SAFB2: variants seen among roughly 807,000 people sequenced by gnomAD.
The protein encoded by SAFB2 is scaffold attachment factor B2.
A neutral mutation model predicts 100.6 loss-of-function variants in SAFB2; 32 were observed. The ratio of observed to expected loss-of-function variants is 0.32; its 90% CI spans 0.24 to 0.43. The LOEUF is 0.43. Ranked by LOEUF, SAFB2 falls within the 20% of genes least tolerant of loss-of-function variation. The pLI is 1.00. For missense variants in SAFB2, 1,185 were observed against 1,163.4 expected (o/e 1.02, Z -0.27); for synonymous variants, 500 against 439.4 (o/e 1.14, Z -1.72).
chr19:5,613,486 C>T lies in SAFB2; in HGVS notation c.585G>A (p.Ser195=), dbSNP rs376008160. Residue 195 remains serine, a synonymous_variant, in exon 5 of 21, where the codon TCG becomes TCA. Transcript: ENST00000252542. The part of the protein sequence containing the change: ...EGFKNTLETS[S]LNFKVTPDIE... ...TTACCGGAGTTACTTTGAAGTTCAA[C>T]GATGAAGTTTCCAAAGTGTTCTTAA... 11 of 1,613,848 alleles carry T rather than the reference C, an allele frequency of 6.8e-6. No homozygotes were observed. Among genetic ancestry groups the T allele is most frequent in the African/African-American group, 2.7e-5 (2 of 75,044 alleles).
chr19:5,587,693 C>A lies in SAFB2; in HGVS notation c.2705+8G>T. On this transcript the variant is annotated splice_region_variant and intron_variant, in intron 20 of 20. Coordinates refer to ENST00000252542, the MANE Select transcript of SAFB2 (RefSeq NM_014649.3). This position sits in a 1 kb window ranked among gnomAD's most constrained non-coding sequence, Gnocchi z 4.9. ...GAACCACCGTCCTCCACGGACGACA[C>A]ACCTTACCCCGCCACTCCACCGCGG... 1.3e-6 allele frequency: 2 copies of A among 1,546,952 alleles called. No individual in the cohort carries two copies. The highest frequency in any genetic ancestry group is 8.7e-7 in the Non-Finnish European group (1 of 1,144,872).
chr19:5,589,348 A>C (rs1311737877), intron 18 of SAFB2, among the ~76,000 whole-genome samples: 1 of 152,086 alleles, frequency 6.6e-6, no homozygotes, highest in Non-Finnish European at 1.5e-5. Flanking sequence ...GATTCAGGAG[A>C]AGCTTCGGGT....
rs764870883 is a variant in SAFB2, at chr19:5,604,815, A to G, written c.1418T>C (p.Leu473Pro). The G allele has an allele frequency of 6.2e-7, 1 of 1,614,164 alleles. No homozygotes were observed. Among genetic ancestry groups the G allele is most frequent in the Admixed American group, 1.7e-5 (1 of 60,022 alleles). Residue 473 changes from leucine to proline, a missense_variant, in exon 10 of 21, where the codon CTG becomes CCG. Coordinates refer to ENST00000252542, the MANE Select transcript of SAFB2 (RefSeq NM_014649.3). Reference protein sequence around the residue: ...KCISHLHRTELHGRMISVEKA... With the variant: ...KCISHLHRTEPHGRMISVEKA... ...CTCTACGGAGATCATTCGTCCATGC[A>G]GCTCAGTTCTGTGGAGATGGCTGAT...
chr19:5,610,136 T>C, intron 8 of SAFB2, 41 bp from the exon 9 acceptor site: 1 of 1,534,314 alleles, frequency 6.5e-7, no homozygotes, highest in Non-Finnish European at 9.0e-7. Flanking sequence ...CCCCAAGGCC[T>C]AACAGGAAGC....
chr19:5,616,494 C>T lies in SAFB2; in HGVS notation c.275-8G>A. On this transcript the variant is annotated splice_polypyrimidine_tract_variant and splice_region_variant and intron_variant, in intron 2 of 20. Transcript: ENST00000252542. The stretch of plus-strand genomic sequence containing the variant: ...CCTCCTCCATCTTCAGTCCTAATTA[C>T]AGAATAATTGTTCAATCAGATAACA... The T allele has an allele frequency of 6.2e-7, 1 of 1,611,676 alleles. No individual in the cohort carries two copies. Among genetic ancestry groups the T allele is most frequent in the Non-Finnish European group, 8.5e-7 (1 of 1,178,080 alleles).
chr19:5,605,057 C>A, intron 9 of SAFB2, 121 bp from the exon 10 acceptor site: 1 of 1,144,328 alleles, frequency 8.7e-7, no homozygotes, highest in Non-Finnish European at 1.2e-6. Context: ...GGTAGTTTTC[C>A]ATTTTAGTTA....
intron 18 of SAFB2, among the ~76,000 whole-genome samples, chr19:5,589,216 A>G (rs1009610512): frequency 6.6e-6 from 1 of 152,128 alleles, no homozygotes; most frequent in African/African-American, 2.4e-5. Flanking sequence ...TCCCGTTTAC[A>G]CTCCCGAGGT....
intron 15 of SAFB2, 102 bp from the exon 16 acceptor site, chr19:5,592,989 C>A (rs539963147): frequency 9.2e-7 from 1 of 1,081,862 alleles, no homozygotes; most frequent in Non-Finnish European, 1.4e-6. Context: ...TCCCCAGACC[C>A]AGTATCGTTT....
At chr19:5,601,322 T>A (rs2052651730) in intron 11 of SAFB2, among the ~76,000 whole-genome samples, 1 of 152,142 alleles carries the variant, frequency 6.6e-6, no homozygotes, top group Non-Finnish European at 1.5e-5. Flanking sequence ...CGCAGTAATC[T>A]ACAGTGACAT....
intron 11 of SAFB2, among the ~76,000 whole-genome samples, chr19:5,603,521 C>T (rs2145337063): frequency 6.6e-6 from 1 of 152,306 alleles, no homozygotes; most frequent in East Asian, 1.9e-4. Context: ...ACAACCCACA[C>T]CTCCCTTGAA....
chr19:5,619,845 CAAAAAAAA>C (rs1275954240), intron 2 of SAFB2, among the ~76,000 whole-genome samples: 3 of 103,702 alleles, frequency 2.9e-5, no homozygotes, highest in Non-Finnish European at 6.3e-5. Context: ...AACTCCATCG[CAAAAAAAA>C]AAAAAAAATC....
intron 11 of SAFB2, among the ~76,000 whole-genome samples, chr19:5,602,421 A>G (rs1054940669): frequency 2.2e-5 from 3 of 135,538 alleles, no homozygotes; most frequent in African/African-American, 8.2e-5. Flanking sequence ...CGGAGCTTGC[A>G]GTGAGCCAAG....
At chr19:5,613,868 T>C in intron 4 of SAFB2, 1 of 410,702 alleles carries the variant, frequency 2.4e-6, no homozygotes, top group Non-Finnish European at 3.3e-6. Context: ...AATGATAAAA[T>C]GCACCCCTCC....
At chr19:5,618,361 CA>C (rs976804999) in intron 2 of SAFB2, among the ~76,000 whole-genome samples, 12 of 146,000 alleles carry the variant, frequency 8.2e-5, no homozygotes, top group Admixed American at 6.9e-5. Flanking sequence ...GACTCCGTCT[CA>C]AAAAAAAAAG....
Position 5,622,600 on chromosome 19 carries a change from C to G in SAFB2, c.116G>C (p.Arg39Pro). The change falls in exon 1 of 21, where the codon CGG becomes CCG. Residue 39 changes from arginine (R) to proline (P), a missense_variant. Coordinates refer to ENST00000252542, the MANE Select transcript of SAFB2 (RefSeq NM_014649.3). Reference sequence around the variant, plus strand: ...CAGGTTCCGCTTCTTCAGCTCCGCCCGCAGATCGATCACCCGCAGCTCGCT... The same window carrying G: ...CAGGTTCCGCTTCTTCAGCTCCGCCGGCAGATCGATCACCCGCAGCTCGCT... ...RLSELRVIDL[R>P]AELKKRNLDT... The G allele has an allele frequency of 6.2e-7, 1 of 1,613,410 alleles. No individual in the cohort carries two copies. Among genetic ancestry groups the G allele is most frequent in the Non-Finnish European group, 8.5e-7 (1 of 1,179,794 alleles).
At chr19:5,600,442 C>T (rs1389205216) in intron 11 of SAFB2, among the ~76,000 whole-genome samples, 182 bp from the exon 12 acceptor site, 2 of 152,334 alleles carry the variant, frequency 1.3e-5, no homozygotes, top group East Asian at 3.9e-4. Flanking sequence ...TAGATACAGG[C>T]TGTATTCCCA....
At chr19:5,616,111 C>T (rs373898305) in intron 4 of SAFB2, 21 bp downstream of exon 4, 147 of 1,612,168 alleles carry the variant, frequency 9.1e-5, no homozygotes, top group African/African-American at 1.5e-4. Flanking sequence ...GCACATCCTG[C>T]CGTGTCTCCA....
intron 9 of SAFB2, among the ~76,000 whole-genome samples, chr19:5,605,881 C>T (rs1253571182): frequency 6.6e-6 from 1 of 152,152 alleles, no homozygotes; most frequent in African/African-American, 2.4e-5. Flanking sequence ...GAGACCAAGA[C>T]AGAGAGAAAT....
chr19:5,599,911 C>T (rs2145331022), intron 12 of SAFB2, among the ~76,000 whole-genome samples: 1 of 152,300 alleles, frequency 6.6e-6, no homozygotes, highest in African/African-American at 2.4e-5. Context: ...TTCAGCAATA[C>T]ACATAAGCCC....
Sources: allele counts gnomAD v4.1 joint callset (sites outside exome capture counted in the v4.1 genomes callset), GRCh38; gene constraint gnomAD v4.1.1; non-coding constraint Gnocchi (gnomAD v3.1); transcripts MANE v1.5; gene names NCBI Gene and HGNC (gene_info 2026-07-23, HGNC 2026-07-21).